The following PSTPIP2 variants were observed in gnomAD, a reference collection of about 807,000 sequenced individuals.
PSTPIP2 encodes the protein proline-serine-threonine phosphatase-interacting protein 2.
PSTPIP2 carries 33 observed loss-of-function variants against 63.3 expected under a neutral mutation model. The observed-to-expected ratio is 0.52, with a 90% CI of 0.40 to 0.70. The LOEUF is 0.70. Ranked by LOEUF, PSTPIP2 falls within the 30% of genes least tolerant of loss-of-function variation. PSTPIP2 has a pLI of 0.00. For synonymous variants in PSTPIP2, 125 were observed against 132.7 expected, an observed-to-expected ratio of 0.94 and a Z score of 0.40; for missense variants, 312 against 400.7, an observed-to-expected ratio of 0.78 and a Z score of 1.89.
At chr18:46,044,456 T>G (rs1254651749) in intron 1 of PSTPIP2, among the ~76,000 whole-genome samples, 2 of 152,222 alleles carry the variant, frequency 1.3e-5, no homozygotes, top group Admixed American at 6.5e-5. Flanking sequence ...GCTAGCCATA[T>G]GTAGAAAGGT....
At chr18:46,025,321 T>C (rs1324532364) in intron 2 of PSTPIP2, among the ~76,000 whole-genome samples, 1 of 152,070 alleles carries the variant, frequency 6.6e-6, no homozygotes, top group Non-Finnish European at 1.5e-5. Context: ...AAGTAATAAA[T>C]GAATATATCC....
At chr18:46,018,410 T>G (rs1199676646) in intron 3 of PSTPIP2, among the ~76,000 whole-genome samples, 1 of 152,068 alleles carries the variant, frequency 6.6e-6, no homozygotes, top group Admixed American at 6.6e-5. Context: ...CTTTTTTTTT[T>G]TCCTGCAACA....
chr18:46,001,174 T>C lies in PSTPIP2; in HGVS notation c.418-1640A>G, dbSNP rs1340872304. Among the ~76,000 whole-genome samples, 3 of 152,226 alleles carry C rather than the reference T, an allele frequency of 2.0e-5. No individual in the cohort carries two copies. The East Asian group carries it at 5.8e-4, about 29-fold the overall frequency. ...AGTTTTTTGAGAAATCTCCATACTG[T>C]TCTCCATAGTGGCTGTACTAGTTTA... is the stretch of plus-strand genomic sequence containing the variant. On this transcript the variant is annotated intron_variant, in intron 6 of 14. Coordinates refer to ENST00000409746, the MANE Select transcript of PSTPIP2 (RefSeq NM_024430.4).
intron 2 of PSTPIP2, among the ~76,000 whole-genome samples, chr18:46,033,751 GA>G (rs1252626546): frequency 6.6e-6 from 1 of 151,306 alleles, no homozygotes; most frequent in Non-Finnish European, 1.5e-5. Flanking sequence ...AACACCACAG[GA>G]TGATAGAGGA....
chr18:46,037,524 G>A (rs1172132136), intron 2 of PSTPIP2, among the ~76,000 whole-genome samples: 1 of 152,134 alleles, frequency 6.6e-6, no homozygotes, highest in Non-Finnish European at 1.5e-5. Context: ...TTAGATGATG[G>A]CACAAATGCA....
chr18:46,025,974 C>T (rs1483626674), intron 2 of PSTPIP2, among the ~76,000 whole-genome samples: 7 of 152,200 alleles, frequency 4.6e-5, no homozygotes, highest in Non-Finnish European at 1.5e-5. Flanking sequence ...AGGCTGGTCT[C>T]GAACTCCTCA....
intron 1 of PSTPIP2, among the ~76,000 whole-genome samples, chr18:46,068,202 A>T (rs1489920035): frequency 6.6e-6 from 1 of 152,226 alleles, no homozygotes; most frequent in Non-Finnish European, 1.5e-5. Flanking sequence ...TATTATAAGC[A>T]ATCTGGAGAA....
intron 2 of PSTPIP2, among the ~76,000 whole-genome samples, chr18:46,036,540 CCTGGATGCAAGAAT>C (rs1907986165): frequency 6.6e-6 from 1 of 152,140 alleles, no homozygotes; most frequent in African/African-American, 2.4e-5. Context: ...ATATGTCTAC[CCTGGATGCAAGAAT>C]CTGCCCTGTG....
At chr18:46,005,307 A>G (rs2051713314) in intron 6 of PSTPIP2, among the ~76,000 whole-genome samples, 162 bp downstream of exon 6, 2 of 152,178 alleles carry the variant, frequency 1.3e-5, no homozygotes, top group Admixed American at 1.3e-4. Context: ...ACAACAACAA[A>G]AAAGAAAACC....
At chr18:46,005,081 C>T (rs2051710484) in intron 6 of PSTPIP2, among the ~76,000 whole-genome samples, 1 of 152,148 alleles carries the variant, frequency 6.6e-6, no homozygotes, top group Admixed American at 6.5e-5. Context: ...GAACTGGAGG[C>T]TATCATCCTT....
At chr18:46,030,269 T>C (rs473371) in intron 2 of PSTPIP2, among the ~76,000 whole-genome samples, 152,252 of 152,308 alleles carry the variant, frequency 1, 76,098 homozygotes, top group Middle Eastern at 1. Flanking sequence ...GAAACTTTCC[T>C]GAATGTGTGA....
intron 7 of PSTPIP2, 147 bp downstream of exon 7, chr18:45,999,289 T>C: frequency 1.4e-6 from 1 of 736,164 alleles, no homozygotes; most frequent in Middle Eastern, 3.0e-4. Context: ...GGCAGTGGTT[T>C]TTCAGGTTCA....
intron 1 of PSTPIP2, among the ~76,000 whole-genome samples, chr18:46,053,354 T>C (rs981602034): frequency 6.6e-6 from 1 of 152,208 alleles, no homozygotes; most frequent in Non-Finnish European, 1.5e-5. Flanking sequence ...AGTGAGGATG[T>C]TTTATATATT....
intron 8 of PSTPIP2, among the ~76,000 whole-genome samples, chr18:45,998,435 C>T (rs1375441688): frequency 1.3e-5 from 2 of 152,272 alleles, no homozygotes; most frequent in South Asian, 2.1e-4. Context: ...TGCCCCAATA[C>T]ATCAGAGGAA....
intron 1 of PSTPIP2, among the ~76,000 whole-genome samples, chr18:46,053,998 T>C (rs924712502): frequency 1.3e-5 from 2 of 152,162 alleles, no homozygotes; most frequent in Admixed American, 1.3e-4. Flanking sequence ...CAAACCTAGA[T>C]GGTGTAGCCT....
chr18:46,042,064 A>T (rs1247334715), intron 1 of PSTPIP2, among the ~76,000 whole-genome samples: 1 of 152,166 alleles, frequency 6.6e-6, no homozygotes, highest in East Asian at 1.9e-4. Flanking sequence ...GGCTGATTTC[A>T]ACTTGGCACC....
rs1355075243 is a variant in PSTPIP2, at chr18:46,072,235, C to T, written c.-47G>A. 1.2e-5 allele frequency: 19 copies of T among 1,526,064 alleles called. 1 individual carries two copies. Among genetic ancestry groups the T allele is most frequent in the South Asian group, 1.1e-4 (9 of 81,058 alleles). The allele number at this position is 1,526,064 out of a possible 1,614,324, so 94.5% of individuals were successfully genotyped here. On this transcript the variant is annotated 5_prime_UTR_variant, in exon 1 of 15. The change creates a new upstream start codon in the 5' untranslated region. Transcript: ENST00000409746. Reference sequence around the variant, plus strand: ...GAGGAGAGCCGGGCCGCAGGTAGCACAGAGCGGGGAGGCCTGACTGCCACT... The same window carrying T: ...GAGGAGAGCCGGGCCGCAGGTAGCATAGAGCGGGGAGGCCTGACTGCCACT...
chr18:46,049,635 A>C (rs1232611835), intron 1 of PSTPIP2, among the ~76,000 whole-genome samples: 1 of 152,194 alleles, frequency 6.6e-6, no homozygotes, highest in Non-Finnish European at 1.5e-5. Flanking sequence ...TAATCCTAGC[A>C]CTTTGGGAGG....
At position 46,057,477 on chromosome 18, in the gene PSTPIP2, G is replaced by A. The variant is rs114859102; in HGVS notation, c.33+14679C>T. ...AGAGTAGCTAGGATTACAGGCGAGCGCCACCACGCCTGTCTAATTGTTTTG... is the reference window on the plus strand; with the variant it reads ...AGAGTAGCTAGGATTACAGGCGAGCACCACCACGCCTGTCTAATTGTTTTG... On this transcript the variant is annotated intron_variant, in intron 1 of 14. Transcript: ENST00000409746. Among the ~76,000 whole-genome samples, 1,223 of 151,534 alleles carry A rather than the reference G, an allele frequency of 8.1e-3. 7 individuals carry two copies. Among genetic ancestry groups the A allele is most frequent in the African/African-American group, 0.025 (1,015 of 41,342 alleles).
Sources: allele counts gnomAD v4.1 joint callset (sites outside exome capture counted in the v4.1 genomes callset), GRCh38; gene constraint gnomAD v4.1.1; transcripts MANE v1.5; gene names NCBI Gene and HGNC (gene_info 2026-07-23, HGNC 2026-07-21).